MTUS2: variants seen among roughly 807,000 people sequenced by gnomAD.
MTUS2 encodes the protein microtubule-associated tumor suppressor candidate 2.
Under a neutral mutation model 114.1 loss-of-function variants are expected in MTUS2, and 40 were observed. The observed-to-expected ratio is 0.35, with a 90% CI of 0.27 to 0.46. The LOEUF (loss-of-function observed/expected upper bound fraction) is 0.46. Among genes scored for constraint, MTUS2 ranks in the 20% least tolerant of loss-of-function variants. The probability of loss-of-function intolerance (pLI) is 1.00; values close to 1 mark genes in which losing one functional copy is unlikely to be tolerated. For missense variants in MTUS2, 1,679 were observed against 1,705.4 expected (o/e 0.98, Z 0.27); for synonymous variants, 688 against 672.0 (o/e 1.02, Z -0.37).
Position 29,026,858 on chromosome 13 carries a change from C to T in MTUS2, c.2160C>T (p.Pro720=). ...GATTGATGGTGTCTGGAATCAAGCC[C>T]CCGGGACATCCTTTCAGTCAAATGA... ...SSGLMVSGIK[P]PGHPFSQMSE... The change falls in exon 3 of 16, where the codon CCC becomes CCT. Residue 720 remains proline, a synonymous_variant. Transcript: ENST00000612955. 1.2e-6 allele frequency: 2 copies of T among 1,602,836 alleles called. No individual in the cohort carries two copies. The highest frequency in any genetic ancestry group is 2.2e-5 in the East Asian group (1 of 44,870).
intron 2 of MTUS2, among the ~76,000 whole-genome samples, chr13:28,882,155 G>T (rs950021122): frequency 6.6e-6 from 1 of 152,088 alleles, no homozygotes; most frequent in African/African-American, 2.4e-5. Flanking sequence ...TGCCCCCTAG[G>T]TTCAAACAAT....
intron 5 of MTUS2, among the ~76,000 whole-genome samples, chr13:29,126,595 G>A (rs995122228): frequency 3.3e-5 from 5 of 151,920 alleles, no homozygotes; most frequent in Non-Finnish European, 5.9e-5. Context: ...ACATAAATTC[G>A]TAAACTTTCT....
In MTUS2 at chr13:29,173,949, T is replaced by C. The variant is rs183223701; in HGVS notation, c.2644+72979T>C. 9.1e-4 allele frequency among the ~76,000 whole-genome samples: 138 copies of C among 152,264 alleles called. 2 individuals carry two copies. The highest frequency in any genetic ancestry group is 7.3e-3 in the East Asian group (38 of 5,180). ...TCCTCCCTATATGAATATTTAGATG[T>C]TTAGGTGGCATTTTCCTGTTCTATT... On this transcript the variant is annotated intron_variant, in intron 5 of 15. Transcript: ENST00000612955.
intron 5 of MTUS2, among the ~76,000 whole-genome samples, chr13:29,188,168 G>A (rs778077444): frequency 1.3e-5 from 2 of 152,206 alleles, no homozygotes; most frequent in African/African-American, 2.4e-5. Flanking sequence ...TAGGACTGAA[G>A]TTAATGTTGC....
chr13:29,235,278 A>G (rs1566082881), intron 5 of MTUS2, among the ~76,000 whole-genome samples: 2 of 152,058 alleles, frequency 1.3e-5, no homozygotes, highest in Non-Finnish European at 2.9e-5. Context: ...TTTTTGGTAG[A>G]GATGGGGTTT....
At chr13:28,835,863 C>G (rs547596512) in intron 1 of MTUS2, among the ~76,000 whole-genome samples, 9 of 152,126 alleles carry the variant, frequency 5.9e-5, no homozygotes, top group African/African-American at 2.2e-4. Flanking sequence ...CAGTAGAACT[C>G]TGAAAAAATA....
intron 5 of MTUS2, among the ~76,000 whole-genome samples, chr13:29,272,010 C>A (rs1041435559): frequency 6.6e-6 from 1 of 152,082 alleles, no homozygotes; most frequent in African/African-American, 2.4e-5. Context: ...TCATATCTAA[C>A]GTTTTCTCTG....
intron 5 of MTUS2, among the ~76,000 whole-genome samples, chr13:29,176,130 ATGT>A (rs1302267546): frequency 1.3e-5 from 2 of 152,132 alleles, no homozygotes; most frequent in South Asian, 2.1e-4. Context: ...AGGGTTGAAA[ATGT>A]TGTCTTTTGA....
At chr13:29,347,077 T>G (rs1868770587) in intron 7 of MTUS2, among the ~76,000 whole-genome samples, 2 of 151,920 alleles carry the variant, frequency 1.3e-5, no homozygotes, top group Non-Finnish European at 2.9e-5. Flanking sequence ...TCAGCTTTCC[T>G]GGTGTGTTCT....
rs771814931 is a variant in MTUS2, at chr13:29,498,441, C to G, written c.3702C>G (p.His1234Gln). Residue 1234 changes from histidine to glutamine, a missense_variant, in exon 14 of 16, where the codon CAC becomes CAG. This residue lies in a region of MTUS2 where 822 missense variants were observed against 899.7 expected (regional missense o/e 0.91). Transcript: ENST00000612955. ...AGATTGCATTGGCTCCTTATCAGCA[C>G]TTGGAAGAAGACATGAAGAGTCTGA... ...QLEIALAPYQ[H>Q]LEEDMKSLKQ... The G allele has an allele frequency of 6.2e-6, 10 of 1,614,156 alleles. No homozygotes were observed. The South Asian group carries it at 8.8e-5, about 14-fold the overall frequency.
chr13:29,123,997 T>A (rs1891416844), intron 5 of MTUS2, among the ~76,000 whole-genome samples: 1 of 152,242 alleles, frequency 6.6e-6, no homozygotes, highest in Non-Finnish European at 1.5e-5. Context: ...TTTGACTATG[T>A]CATCCTTTTA....
At chr13:29,120,745 G>T (rs1448004106) in intron 5 of MTUS2, among the ~76,000 whole-genome samples, 2 of 152,186 alleles carry the variant, frequency 1.3e-5, no homozygotes, top group East Asian at 3.9e-4. Context: ...TCCCCTTGGG[G>T]TCCGATGTGC....
At chr13:29,348,664 A>C (rs1868953373) in intron 7 of MTUS2, among the ~76,000 whole-genome samples, 1 of 152,234 alleles carries the variant, frequency 6.6e-6, no homozygotes, top group Non-Finnish European at 1.5e-5. Flanking sequence ...TTGAAATCTC[A>C]GACTGTAATT....
intron 2 of MTUS2, among the ~76,000 whole-genome samples, chr13:28,980,740 A>ATGT (rs199707584): frequency 0.012 from 1,883 of 152,334 alleles, 33 homozygotes; most frequent in African/African-American, 0.043. Context: ...ATTTTGATAG[A>ATGT]TGTCAGGTTA....
At chr13:29,094,220 A>G (rs371143049) in intron 4 of MTUS2, among the ~76,000 whole-genome samples, 3,791 of 99,214 alleles carry the variant, frequency 0.038, 174 homozygotes, top group African/African-American at 0.11. Flanking sequence ...GAATGAGTTT[A>G]GAAGTATTCC....
chr13:29,221,134 G>A (rs1895892034), intron 5 of MTUS2, among the ~76,000 whole-genome samples: 1 of 152,106 alleles, frequency 6.6e-6, no homozygotes, highest in Non-Finnish European at 1.5e-5. Flanking sequence ...CTTCTCACCT[G>A]CCTGTGCATC....
chr13:28,978,360 G>A (rs1884211386), intron 2 of MTUS2, among the ~76,000 whole-genome samples: 1 of 152,110 alleles, frequency 6.6e-6, no homozygotes, highest in Non-Finnish European at 1.5e-5. Flanking sequence ...TAGGGAATAG[G>A]ATAGAATATC....
intron 2 of MTUS2, among the ~76,000 whole-genome samples, chr13:28,897,592 C>T (rs530230437): frequency 6.6e-6 from 1 of 150,746 alleles, no homozygotes; most frequent in African/African-American, 2.4e-5. Flanking sequence ...TAAAGACACA[C>T]ACACACACAT....
intron 6 of MTUS2, among the ~76,000 whole-genome samples, chr13:29,305,958 C>T (rs552939227): frequency 6.6e-6 from 1 of 152,292 alleles, no homozygotes; most frequent in East Asian, 1.9e-4. Context: ...TTGGCTTCAT[C>T]CCAGGATGCA....
Sources: allele counts gnomAD v4.1 joint callset (sites outside exome capture counted in the v4.1 genomes callset), GRCh38; gene constraint gnomAD v4.1.1; regional missense constraint gnomAD v4.1.1; transcripts MANE v1.5; gene names NCBI Gene and HGNC (gene_info 2026-07-23, HGNC 2026-07-21).